The following TOX variants were observed in gnomAD, a reference collection of about 807,000 sequenced individuals.
The protein encoded by TOX is thymocyte selection associated high mobility group box.
TOX carries 11 observed loss-of-function variants against 53.7 expected under a neutral mutation model. The observed-to-expected ratio is 0.20, with a 90% CI of 0.13 to 0.34. The LOEUF (loss-of-function observed/expected upper bound fraction) is 0.34, where lower values mean the gene tolerates loss of function less well. Among genes scored for constraint, TOX ranks in the 10% least tolerant of loss-of-function variants. TOX has a pLI of 1.00. For missense variants in TOX, 570 were observed against 664.6 expected (o/e 0.86, Z 1.56); for synonymous variants, 225 against 245.3 (o/e 0.92, Z 0.77).
At chr8:58,894,484 G>A (rs1180461677) in intron 3 of TOX, among the ~76,000 whole-genome samples, 1 of 152,186 alleles carries the variant, frequency 6.6e-6, no homozygotes, top group African/African-American at 2.4e-5. Context: ...AGGAGAAAGA[G>A]CTAAATTAAT....
intron 3 of TOX, among the ~76,000 whole-genome samples, chr8:58,931,509 A>C (rs1243212441): frequency 6.6e-6 from 1 of 152,220 alleles, no homozygotes; most frequent in Non-Finnish European, 1.5e-5. Flanking sequence ...CAGACAAAAT[A>C]GGCTAAAATT....
intron 1 of TOX, among the ~76,000 whole-genome samples, chr8:58,967,612 T>C (rs1296421722): frequency 6.6e-6 from 1 of 152,166 alleles, no homozygotes; most frequent in African/African-American, 2.4e-5. Flanking sequence ...TTGGGTAACA[T>C]ACTCTGAGAG....
intron 1 of TOX, among the ~76,000 whole-genome samples, chr8:59,089,512 G>T (rs1804570211): frequency 6.6e-6 from 1 of 152,164 alleles, no homozygotes; most frequent in Non-Finnish European, 1.5e-5. Context: ...AAGTGACTAG[G>T]GAATTCCATT....
At position 58,851,548 on chromosome 8, in the gene TOX, T is replaced by C; in HGVS notation, c.669A>G (p.Glu223=). The C allele has an allele frequency of 1.9e-6, 3 of 1,613,242 alleles. No individual in the cohort carries two copies. In the South Asian group the frequency reaches 3.3e-5, roughly 18 times the overall value. ...CCTTAGAGGTATCATCGCCTTCATC[T>C]TCATGCACTGAACTGGATGGTGAAG... ...ATPSPSSSVH[E]DEGDDTSKIN... is the part of the protein sequence containing the mutation. Residue 223 remains glutamate (E), a synonymous_variant, in exon 4 of 9, where the codon GAA becomes GAG. Coordinates refer to ENST00000361421, the MANE Select transcript of TOX (RefSeq NM_014729.3). The surrounding 1 kb of genome is among the most constrained non-coding windows in gnomAD (Gnocchi z 4.4).
intron 3 of TOX, among the ~76,000 whole-genome samples, chr8:58,913,471 A>C (rs949026419): frequency 2.0e-5 from 3 of 152,198 alleles, no homozygotes; most frequent in African/African-American, 7.2e-5. Context: ...CAGTGTTCGT[A>C]CAGCACTTAG....
At chr8:59,076,755 T>G (rs1804299580) in intron 1 of TOX, among the ~76,000 whole-genome samples, 1 of 152,220 alleles carries the variant, frequency 6.6e-6, no homozygotes, top group Non-Finnish European at 1.5e-5. Context: ...GCTCTCTTCA[T>G]CAGGGATCAT....
intron 3 of TOX, among the ~76,000 whole-genome samples, chr8:58,925,351 C>T (rs999697160): frequency 2.0e-5 from 3 of 152,154 alleles, no homozygotes; most frequent in African/African-American, 4.8e-5. Context: ...AAGCATTCAT[C>T]GCGCAGTTAG....
chr8:58,971,208 G>A (rs1212945811), intron 1 of TOX, among the ~76,000 whole-genome samples: 1 of 152,234 alleles, frequency 6.6e-6, no homozygotes, highest in African/African-American at 2.4e-5. Flanking sequence ...GCACTGCTCT[G>A]AATCTGTAGC....
Position 59,053,806 on chromosome 8 carries a change from T to C in TOX, c.102+65080A>G, listed in dbSNP as rs539104711. On this transcript the variant is annotated intron_variant, in intron 1 of 8. Coordinates refer to ENST00000361421, the MANE Select transcript of TOX (RefSeq NM_014729.3). ...AGGGAAAAAAAGGAGAATTGTCTAA[T>C]GTTTTAATGTCACTTTTCTTATAAT... 3.0e-4 allele frequency among the ~76,000 whole-genome samples: 46 copies of C among 152,342 alleles called. 1 individual carries two copies. The South Asian group carries it at 8.9e-3, about 29-fold the overall frequency.
chr8:58,948,810 G>A (rs746303215), intron 2 of TOX, among the ~76,000 whole-genome samples: 17 of 151,890 alleles, frequency 1.1e-4, no homozygotes, highest in South Asian at 8.3e-4. Flanking sequence ...AATAACCCAT[G>A]TTAACTAGCT....
At chr8:58,895,873 C>T (rs572451084) in intron 3 of TOX, among the ~76,000 whole-genome samples, 4 of 152,236 alleles carry the variant, frequency 2.6e-5, no homozygotes, top group East Asian at 1.9e-4. Context: ...GTTCCTACCT[C>T]GGGAGGGGAT....
At chr8:59,091,781 C>T (rs13270277) in intron 1 of TOX, among the ~76,000 whole-genome samples, 1,536 of 152,190 alleles carry the variant, frequency 0.01, 15 homozygotes, top group South Asian at 0.025. Context: ...TTCCTTTCTA[C>T]CTACATCCCA....
At chr8:58,831,618 G>GC (rs1810455517) in intron 5 of TOX, among the ~76,000 whole-genome samples, 1 of 152,078 alleles carries the variant, frequency 6.6e-6, no homozygotes, top group Admixed American at 6.6e-5. Context: ...ATCTTTCTTT[G>GC]CTCAATGGTT....
intron 3 of TOX, among the ~76,000 whole-genome samples, chr8:58,857,972 G>T (rs1316450111): frequency 6.6e-6 from 1 of 152,106 alleles, no homozygotes; most frequent in Admixed American, 6.5e-5. Flanking sequence ...GTTTCACCAT[G>T]TTGGTCAGGC....
chr8:58,927,258 A>T (rs1197789031), intron 3 of TOX, among the ~76,000 whole-genome samples: 2 of 152,212 alleles, frequency 1.3e-5, no homozygotes, highest in Non-Finnish European at 2.9e-5. Flanking sequence ...AGAACTGTGA[A>T]TGCTGGCTTT....
At chr8:58,990,402 C>CATTT (rs1475042367) in intron 1 of TOX, among the ~76,000 whole-genome samples, 15 of 151,174 alleles carry the variant, frequency 9.9e-5, no homozygotes, top group Admixed American at 8.6e-4. Flanking sequence ...TTCTGTTATT[C>CATTT]ATTTATTTAT....
chr8:58,872,850 A>G (rs570776205), intron 3 of TOX, among the ~76,000 whole-genome samples: 1 of 152,232 alleles, frequency 6.6e-6, no homozygotes, highest in African/African-American at 2.4e-5. Context: ...AGGAAATACA[A>G]ATGAAGTATG....
chr8:58,861,953 A>T (rs559459811), intron 3 of TOX, among the ~76,000 whole-genome samples: 2 of 152,308 alleles, frequency 1.3e-5, no homozygotes, highest in African/African-American at 4.8e-5. Flanking sequence ...CATCTTAAGA[A>T]GCAAAATTAA....
At chr8:59,039,785 A>C (rs936221956) in intron 1 of TOX, among the ~76,000 whole-genome samples, 3 of 152,204 alleles carry the variant, frequency 2.0e-5, no homozygotes, top group African/African-American at 7.2e-5. Flanking sequence ...ATCCAGCAAA[A>C]ATAGAAAAGC....
Sources: gnomAD v4.1 joint callset for allele counts (sites outside exome capture counted in the v4.1 genomes callset) on GRCh38, gnomAD v4.1.1 for gene constraint, Gnocchi (gnomAD v3.1) non-coding constraint, MANE v1.5 for transcripts, NCBI Gene and HGNC (gene_info 2026-07-23, HGNC 2026-07-21) for gene names.